Variants in TMEM132C observed in about 807,000 individuals in gnomAD.
TMEM132C encodes protein phosphatase 1, regulatory subunit 152.
TMEM132C carries 29 observed loss-of-function variants against 61.4 expected under a neutral mutation model. The ratio of observed to expected loss-of-function variants is 0.47; its 90% CI spans 0.35 to 0.64. The LOEUF is 0.64. TMEM132C is among the 30% of genes least tolerant of loss of function. The pLI is 0.00. For missense variants in TMEM132C, 1,408 were observed against 1,476.9 expected (o/e 0.95, Z 0.76); for synonymous variants, 656 against 633.1 (o/e 1.04, Z -0.54).
At chr12:128,656,131 A>C (rs1954323380) in intron 4 of TMEM132C, among the ~76,000 whole-genome samples, 1 of 152,074 alleles carries the variant, frequency 6.6e-6, no homozygotes, top group Non-Finnish European at 1.5e-5. Flanking sequence ...GCTCACTGCA[A>C]CCTCTGCCTC....
chr12:128,685,776 T>A (rs1954668888), intron 5 of TMEM132C, among the ~76,000 whole-genome samples: 1 of 152,160 alleles, frequency 6.6e-6, no homozygotes, highest in African/African-American at 2.4e-5. Flanking sequence ...AAATCCTGAC[T>A]GATGACTACC....
intron 1 of TMEM132C, among the ~76,000 whole-genome samples, chr12:128,364,311 C>T (rs1231540785): frequency 2.0e-5 from 3 of 149,438 alleles, no homozygotes; most frequent in Non-Finnish European, 4.4e-5. Context: ...CTCTCTCCCC[C>T]TCCTCCCCTC....
At chr12:128,413,238 G>T (rs1868626629) in intron 1 of TMEM132C, among the ~76,000 whole-genome samples, 1 of 144,418 alleles carries the variant, frequency 6.9e-6, no homozygotes, top group African/African-American at 2.6e-5. Flanking sequence ...GGCGGAGCTT[G>T]CAGTGAGCCG....
chr12:128,668,235 C>T (rs1033072784), intron 4 of TMEM132C, among the ~76,000 whole-genome samples: 9 of 150,754 alleles, frequency 6.0e-5, no homozygotes, highest in Middle Eastern at 3.4e-3. Context: ...GGCAACATAG[C>T]GAGACCCCAT....
intron 1 of TMEM132C, among the ~76,000 whole-genome samples, chr12:128,399,813 G>A (rs1318002991): frequency 1.3e-5 from 2 of 151,944 alleles, no homozygotes; most frequent in Non-Finnish European, 2.9e-5. Flanking sequence ...TTAGATAGTT[G>A]GAAAAGTGTT....
At chr12:128,282,727 T>C (rs573873917) in intron 1 of TMEM132C, among the ~76,000 whole-genome samples, 1 of 152,216 alleles carries the variant, frequency 6.6e-6, no homozygotes, top group Non-Finnish European at 1.5e-5. Flanking sequence ...GGGTTTTTAC[T>C]TTTTTTCAGT....
intron 5 of TMEM132C, among the ~76,000 whole-genome samples, chr12:128,685,578 A>G (rs1379488215): frequency 6.7e-6 from 1 of 148,190 alleles, no homozygotes; most frequent in Admixed American, 6.8e-5. Context: ...TCCTAAGTCC[A>G]AGCTTGGACT....
intron 2 of TMEM132C, among the ~76,000 whole-genome samples, chr12:128,495,310 C>T (rs947431851): frequency 3.3e-5 from 5 of 152,126 alleles, no homozygotes; most frequent in African/African-American, 1.2e-4. Flanking sequence ...AACGTATATT[C>T]TGTTGATTTG....
intron 2 of TMEM132C, among the ~76,000 whole-genome samples, chr12:128,465,240 C>A (rs1042567637): frequency 6.7e-5 from 10 of 149,380 alleles, no homozygotes; most frequent in African/African-American, 2.5e-4. Context: ...GCTCTGTCAT[C>A]TAGGTTGGAG....
At position 128,414,851 on chromosome 12, in the gene TMEM132C, C is replaced by G; in HGVS notation, c.205C>G (p.Gln69Glu). ...ETSFFLKEAN[Q>E]DLLRNSSLQA... ...CTCCTTCTTCCTCAAGGAAGCCAACCAGGACCTGCTGCGGAACTCCAGCCT... is the reference window on the plus strand; with the variant it reads ...CTCCTTCTTCCTCAAGGAAGCCAACGAGGACCTGCTGCGGAACTCCAGCCT... The change falls in exon 2 of 9, where the codon CAG becomes GAG. Residue 69 changes from glutamine (Q) to glutamate (E), a missense_variant. Coordinates refer to ENST00000435159, the MANE Select transcript of TMEM132C (RefSeq NM_001136103.3). 6.5e-7 allele frequency: 1 copy of G among 1,550,096 alleles called. No homozygotes were observed. The highest frequency in any genetic ancestry group is 8.7e-7 in the Non-Finnish European group (1 of 1,147,092).
At chr12:128,550,276 A>T (rs996759029) in intron 3 of TMEM132C, among the ~76,000 whole-genome samples, 1 of 149,924 alleles carries the variant, frequency 6.7e-6, no homozygotes, top group African/African-American at 2.5e-5. Flanking sequence ...TCCTCTGTGC[A>T]TGGAGAGAGA....
intron 1 of TMEM132C, among the ~76,000 whole-genome samples, chr12:128,329,916 CG>C (rs1402377110): frequency 6.6e-6 from 1 of 152,192 alleles, no homozygotes; most frequent in African/African-American, 2.4e-5. Context: ...TTGTAAAATA[CG>C]GCTGCGAGGA....
At chr12:128,467,529 C>T (rs564790341) in intron 2 of TMEM132C, among the ~76,000 whole-genome samples, 1 of 152,194 alleles carries the variant, frequency 6.6e-6, no homozygotes, top group South Asian at 2.1e-4. Context: ...GTTGTGTTTT[C>T]TTTTCATTCC....
At chr12:128,340,789 C>T (rs867973010) in intron 1 of TMEM132C, among the ~76,000 whole-genome samples, 3 of 130,702 alleles carry the variant, frequency 2.3e-5, no homozygotes, top group African/African-American at 9.8e-5. Flanking sequence ...CTTTCTCTCT[C>T]TCTCTCTCTC....
intron 1 of TMEM132C, among the ~76,000 whole-genome samples, chr12:128,330,833 C>A (rs1391943254): frequency 6.6e-6 from 1 of 152,084 alleles, no homozygotes; most frequent in Non-Finnish European, 1.5e-5. Flanking sequence ...TTAGAAACAT[C>A]AGATTTTTAT....
chr12:128,479,987 GT>G (rs1871270104), intron 2 of TMEM132C, among the ~76,000 whole-genome samples: 1 of 152,190 alleles, frequency 6.6e-6, no homozygotes, highest in South Asian at 2.1e-4. Flanking sequence ...CCCAGGCATG[GT>G]GGCTCATGCC....
intron 1 of TMEM132C, among the ~76,000 whole-genome samples, chr12:128,389,021 C>T (rs1160121447): frequency 6.6e-6 from 1 of 151,942 alleles, no homozygotes; most frequent in Non-Finnish European, 1.5e-5. Flanking sequence ...CCTTCACACC[C>T]TGCAAGAGTC....
intron 4 of TMEM132C, among the ~76,000 whole-genome samples, chr12:128,654,642 T>G (rs1308616912): frequency 1.3e-5 from 2 of 152,168 alleles, no homozygotes. Flanking sequence ...CTGCAGGATC[T>G]CCGAGCTAAC....
chr12:128,499,737 G>A (rs1273845215), intron 2 of TMEM132C, among the ~76,000 whole-genome samples: 1 of 152,156 alleles, frequency 6.6e-6, no homozygotes, highest in Non-Finnish European at 1.5e-5. Flanking sequence ...ATTTATGGCT[G>A]AATAATACTC....
Sources: gnomAD v4.1 joint callset for allele counts (sites outside exome capture counted in the v4.1 genomes callset) on GRCh38, gnomAD v4.1.1 for gene constraint, MANE v1.5 for transcripts, NCBI Gene and HGNC (gene_info 2026-07-23, HGNC 2026-07-21) for gene names.